Variants in DOCK2 observed in about 807,000 individuals in gnomAD.
DOCK2 encodes dedicator of cytokinesis protein 2.
Under a neutral mutation model 248.9 loss-of-function variants are expected in DOCK2, and 87 were observed. The observed-to-expected ratio is 0.35, with a 90% CI of 0.29 to 0.42. The LOEUF is 0.42. DOCK2 is among the 10% of genes least tolerant of loss of function. The probability of loss-of-function intolerance (pLI) is 1.00; values close to 1 mark genes in which losing one functional copy is unlikely to be tolerated. For synonymous variants in DOCK2, 805 were observed against 821.6 expected, an observed-to-expected ratio of 0.98 and a Z score of 0.35; for missense variants, 1,747 against 2,300.2, an observed-to-expected ratio of 0.76 and a Z score of 4.92.
chr5:169,679,474 T>A (rs2113342542), intron 6 of DOCK2, among the ~76,000 whole-genome samples: 1 of 152,308 alleles, frequency 6.6e-6, no homozygotes, highest in East Asian at 1.9e-4. Flanking sequence ...GATTTTGATG[T>A]CCAAGGATTG....
At chr5:170,066,982 G>C (rs891797186) in intron 44 of DOCK2, among the ~76,000 whole-genome samples, 1 of 152,164 alleles carries the variant, frequency 6.6e-6, no homozygotes, top group Non-Finnish European at 1.5e-5. Flanking sequence ...GTTAGCTTTT[G>C]ATGGCACTCT....
chr5:169,741,824 T>G (rs1284363419), intron 22 of DOCK2, among the ~76,000 whole-genome samples: 1 of 147,468 alleles, frequency 6.8e-6, no homozygotes, highest in Non-Finnish European at 1.5e-5. Context: ...TTTTTTTTTT[T>G]TTTGAGACGG....
chr5:169,960,398 C>T (rs1038651582), intron 27 of DOCK2, among the ~76,000 whole-genome samples: 4 of 152,126 alleles, frequency 2.6e-5, no homozygotes, highest in African/African-American at 9.7e-5. Context: ...TCATTTCAGG[C>T]CATTGATAAT....
intron 39 of DOCK2, among the ~76,000 whole-genome samples, chr5:170,047,248 G>T (rs1208747733): frequency 6.6e-6 from 1 of 152,066 alleles, no homozygotes; most frequent in Non-Finnish European, 1.5e-5. Flanking sequence ...TTCTTTATCT[G>T]CAAAATGGAG....
rs1266564794 is a variant in DOCK2 at position 169,763,800 on chromosome 5, C to A, written c.2554+2175C>A. Among the ~76,000 whole-genome samples, 1 of 152,216 alleles carries A rather than the reference C, an allele frequency of 6.6e-6. No homozygotes were observed. The highest frequency in any genetic ancestry group is 1.5e-5 in the Non-Finnish European group (1 of 68,042). On this transcript the variant is annotated intron_variant, in intron 25 of 51. Transcript: ENST00000520908. The surrounding 1 kb of genome is among the most constrained non-coding windows in gnomAD (Gnocchi z 4.1). ...CAGAGACTAGAGGTAGACAAAGTAT[C>A]CTTTGGGGACCCCTTTCAAAGAGGA...
At chr5:169,915,466 C>G (rs909358920) in intron 27 of DOCK2, among the ~76,000 whole-genome samples, 15 of 151,600 alleles carry the variant, frequency 9.9e-5, no homozygotes, top group African/African-American at 3.6e-4. Context: ...GGTCATGTAA[C>G]TAATATATTG....
At chr5:169,667,494 GA>G (rs1285052675) in intron 2 of DOCK2, among the ~76,000 whole-genome samples, 2 of 152,222 alleles carry the variant, frequency 1.3e-5, no homozygotes, top group Admixed American at 1.3e-4. Flanking sequence ...TGTTGCAGGT[GA>G]CCAGTGAAAG....
chr5:169,815,655 CA>C (rs367997201), intron 26 of DOCK2, among the ~76,000 whole-genome samples: 2 of 152,084 alleles, frequency 1.3e-5, no homozygotes, highest in South Asian at 2.1e-4. Context: ...ATTTTTTAAA[CA>C]AAAAAATTGC....
At chr5:169,973,926 C>T (rs779202793) in intron 27 of DOCK2, among the ~76,000 whole-genome samples, 5 of 152,168 alleles carry the variant, frequency 3.3e-5, no homozygotes, top group African/African-American at 1.2e-4. Flanking sequence ...TCCATTCCTC[C>T]TCTTCTATAT....
chr5:169,795,402 C>A (rs184067150), intron 25 of DOCK2, among the ~76,000 whole-genome samples: 1 of 151,978 alleles, frequency 6.6e-6, no homozygotes, highest in Non-Finnish European at 1.5e-5. Flanking sequence ...AAAGTGGAGA[C>A]GTAGATGGCG....
intron 27 of DOCK2, among the ~76,000 whole-genome samples, chr5:169,943,039 T>C (rs2113709063): frequency 6.6e-6 from 1 of 152,280 alleles, no homozygotes; most frequent in South Asian, 2.1e-4. Context: ...AGTATAGGAA[T>C]GTGTTGGGCT....
intron 26 of DOCK2, among the ~76,000 whole-genome samples, chr5:169,824,721 T>G (rs1248232542): frequency 2.0e-5 from 3 of 152,216 alleles, no homozygotes; most frequent in Admixed American, 6.5e-5. Flanking sequence ...GGGCGAAGAC[T>G]TCATGCCTAA....
intron 46 of DOCK2, among the ~76,000 whole-genome samples, chr5:170,072,621 A>G (rs572568177): frequency 6.6e-6 from 1 of 152,290 alleles, no homozygotes; most frequent in South Asian, 2.1e-4. Context: ...AAGTGGCTAA[A>G]TCAATTTTCA....
chr5:170,015,207 A>G (rs1246853980), intron 32 of DOCK2, among the ~76,000 whole-genome samples: 1 of 152,198 alleles, frequency 6.6e-6, no homozygotes, highest in African/African-American at 2.4e-5. Flanking sequence ...AGCTTTTGCA[A>G]TGTGCCGGAC....
At chr5:169,890,865 C>A (rs575511503) in intron 27 of DOCK2, among the ~76,000 whole-genome samples, 1 of 152,316 alleles carries the variant, frequency 6.6e-6, no homozygotes, top group East Asian at 1.9e-4. Flanking sequence ...GAGTGTCCCC[C>A]TCTCTTGTCC....
chr5:169,735,951 GGAGAGAGA>G (rs144466698), intron 22 of DOCK2, among the ~76,000 whole-genome samples: 1 of 146,730 alleles, frequency 6.8e-6, no homozygotes, highest in Non-Finnish European at 1.5e-5. Flanking sequence ...GGGGGGAGAG[GGAGAGAGA>G]GAGAGAGAGA....
chr5:169,709,380 G>C (rs1263757584), intron 15 of DOCK2, among the ~76,000 whole-genome samples: 1 of 152,068 alleles, frequency 6.6e-6, no homozygotes, highest in South Asian at 2.1e-4. Context: ...AAAATGTTTT[G>C]TGGAATACTA....
In DOCK2 at chr5:169,670,734, C is replaced by A. The variant is rs1240204767; in HGVS notation, c.224+137C>A. On this transcript the variant is annotated intron_variant, in intron 4 of 51. Transcript: ENST00000520908. ...TTTGTGCCTGTGTATATTTGTGGGT[C>A]TCCTTTCCGTTACTCAATGGGAGAT... 5 of 1,029,110 alleles carry A rather than the reference C, an allele frequency of 4.9e-6. No individual in the cohort carries two copies. The African/African-American group carries it at 6.4e-5, about 13-fold the overall frequency. 63.7% of individuals were successfully genotyped at this position (1,029,110 alleles called of 1,614,324 possible). A position where few individuals can be genotyped will look rare whatever the true frequency, so the allele number is the denominator to read the frequency against.
At chr5:169,794,551 G>A (rs1388700464) in intron 25 of DOCK2, among the ~76,000 whole-genome samples, 2 of 152,094 alleles carry the variant, frequency 1.3e-5, no homozygotes, top group Non-Finnish European at 2.9e-5. Context: ...TATATTGCAT[G>A]TCGACTCTCA....
Sources: allele counts gnomAD v4.1 joint callset (sites outside exome capture counted in the v4.1 genomes callset), GRCh38; gene constraint gnomAD v4.1.1; non-coding constraint Gnocchi (gnomAD v3.1); transcripts MANE v1.5; gene names NCBI Gene and HGNC (gene_info 2026-07-23, HGNC 2026-07-21).